FGF2: variants seen among roughly 807,000 people sequenced by gnomAD.
FGF2 encodes the protein fibroblast growth factor 2.
A neutral mutation model predicts 15.9 loss-of-function variants in FGF2; 13 were observed. The observed-to-expected ratio is 0.82, with a 90% CI of 0.53 to 1.30. FGF2 has a LOEUF of 1.30. Among genes scored for constraint, FGF2 ranks in the 50% most tolerant of loss-of-function variants. The probability of loss-of-function intolerance (pLI) is 0.00; values close to 1 mark genes in which losing one functional copy is unlikely to be tolerated. For missense variants in FGF2, 163 were observed against 196.9 expected (o/e 0.83, Z 1.03); for synonymous variants, 90 against 78.4 (o/e 1.15, Z -0.78).
chr4:122,887,910 G>C (rs912063248), intron 2 of FGF2, among the ~76,000 whole-genome samples: 11 of 151,736 alleles, frequency 7.2e-5, no homozygotes, highest in Non-Finnish European at 1.5e-4. Context: ...ACACTTCCTG[G>C]TATTCCAAAT....
chr4:122,891,630 A>AT (rs1369916925), intron 2 of FGF2, among the ~76,000 whole-genome samples: 1 of 152,204 alleles, frequency 6.6e-6, no homozygotes, highest in Non-Finnish European at 1.5e-5. Flanking sequence ...ACAATAAACT[A>AT]TTCATTATTA....
At chr4:122,847,612 TC>T (rs1726139705) in intron 1 of FGF2, among the ~76,000 whole-genome samples, 4 of 135,350 alleles carry the variant, frequency 3.0e-5, no homozygotes, top group African/African-American at 7.1e-5. Context: ...ACTCTATCTA[TC>T]TATCTATCTA....
chr4:122,854,854 G>A (rs988172641), intron 1 of FGF2, among the ~76,000 whole-genome samples: 6 of 152,150 alleles, frequency 3.9e-5, no homozygotes, highest in Non-Finnish European at 5.9e-5. Context: ...GCTTTGAAAG[G>A]TGTTTTCCTA....
intron 1 of FGF2, among the ~76,000 whole-genome samples, chr4:122,858,130 G>A (rs989037497): frequency 6.6e-6 from 1 of 152,022 alleles, no homozygotes; most frequent in Non-Finnish European, 1.5e-5. Flanking sequence ...GAACTATCTG[G>A]GTGTCTAATG....
At chr4:122,881,277 C>T (rs186910665) in intron 2 of FGF2, among the ~76,000 whole-genome samples, 167 of 152,288 alleles carry the variant, frequency 1.1e-3, no homozygotes, top group African/African-American at 3.9e-3. Context: ...CATCTGGCTC[C>T]CCATTACTTA....
intron 1 of FGF2, among the ~76,000 whole-genome samples, chr4:122,836,393 C>T (rs1306378678): frequency 3.3e-5 from 5 of 152,194 alleles, no homozygotes; most frequent in Admixed American, 3.3e-4. Flanking sequence ...TATCCCATTT[C>T]CAGTCATGCT....
chr4:122,843,001 T>C (rs375696105), intron 1 of FGF2, among the ~76,000 whole-genome samples: 2 of 152,302 alleles, frequency 1.3e-5, no homozygotes, highest in African/African-American at 4.8e-5. Flanking sequence ...ACCACTATAT[T>C]ATACAGAGCA....
intron 1 of FGF2, among the ~76,000 whole-genome samples, chr4:122,874,223 GC>G (rs1474120196): frequency 1.3e-5 from 2 of 152,092 alleles, no homozygotes; most frequent in African/African-American, 4.8e-5. Context: ...GCAATAATTT[GC>G]TTATACTCAT....
intron 1 of FGF2, among the ~76,000 whole-genome samples, chr4:122,838,505 T>C (rs1725911118): frequency 1.3e-5 from 2 of 152,240 alleles, no homozygotes; most frequent in Admixed American, 6.5e-5. Context: ...CCTATTGGCT[T>C]TTCAAAACAT....
At chr4:122,882,375 A>G (rs1018705443) in intron 2 of FGF2, 2 of 152,250 alleles carry the variant, frequency 1.3e-5, no homozygotes, top group Non-Finnish European at 2.9e-5. Flanking sequence ...AGACAAGTTA[A>G]AAGAATGTAG....
intron 1 of FGF2, among the ~76,000 whole-genome samples, chr4:122,836,881 G>T (rs1457121538): frequency 6.6e-6 from 1 of 152,190 alleles, no homozygotes; most frequent in African/African-American, 2.4e-5. Flanking sequence ...AAACTTTTCA[G>T]CTGTTAAGTA....
At chr4:122,852,641 A>G (rs992961963) in intron 1 of FGF2, among the ~76,000 whole-genome samples, 2 of 152,200 alleles carry the variant, frequency 1.3e-5, no homozygotes, top group Non-Finnish European at 2.9e-5. Context: ...TCCTCATTTT[A>G]CCAACTTTCC....
chr4:122,862,061 G>A (rs184278), intron 1 of FGF2, among the ~76,000 whole-genome samples: 4,040 of 152,110 alleles, frequency 0.027, 120 homozygotes, highest in South Asian at 0.13. Context: ...AGTCCTCATC[G>A]CCTCAACCAT....
At chr4:122,874,651 A>G (rs907881499) in intron 1 of FGF2, among the ~76,000 whole-genome samples, 2 of 152,140 alleles carry the variant, frequency 1.3e-5, no homozygotes, top group African/African-American at 4.8e-5. Context: ...TATTTAAAAT[A>G]ATATATTAGC....
At chr4:122,836,732 A>G (rs1038105013) in intron 1 of FGF2, among the ~76,000 whole-genome samples, 1 of 152,232 alleles carries the variant, frequency 6.6e-6, no homozygotes, top group Non-Finnish European at 1.5e-5. Flanking sequence ...ATAAGTATAA[A>G]TACTATAGTA....
At chr4:122,841,185 C>G (rs1006936925) in intron 1 of FGF2, among the ~76,000 whole-genome samples, 2 of 152,232 alleles carry the variant, frequency 1.3e-5, no homozygotes, top group African/African-American at 4.8e-5. Flanking sequence ...TTAGGCCAGG[C>G]TCCAACAGCT....
chr4:122,870,462 C>CT (rs1270218909), intron 1 of FGF2, among the ~76,000 whole-genome samples: 4 of 152,048 alleles, frequency 2.6e-5, no homozygotes, highest in African/African-American at 4.8e-5. Flanking sequence ...TGGTCCTGGG[C>CT]TTTTTTTGGT....
chr4:122,876,242 G>C (rs1726843097), intron 1 of FGF2, 79 bp from the exon 2 acceptor site: 1 of 886,824 alleles, frequency 1.1e-6, no homozygotes. Flanking sequence ...GGTGTGTTTT[G>C]TCTTTATATT....
In FGF2 at chr4:122,893,279, T is replaced by C; in HGVS notation, c.*883T>C. 6.7e-7 allele frequency: 1 copy of C among 1,488,872 alleles called. No homozygotes were observed. Among genetic ancestry groups the C allele is most frequent in the Non-Finnish European group, 9.0e-7 (1 of 1,111,664 alleles). 92.2% of individuals were successfully genotyped at this position (1,488,872 alleles called of 1,614,324 possible). On this transcript the variant is annotated 3_prime_UTR_variant, in exon 3 of 3. Coordinates refer to ENST00000644866, the MANE Select transcript of FGF2 (RefSeq NM_001361665.2). ...ATAATAATTACACTTTTAGAAACTGTATCATCAAAGATTTTCAGTTAAAGT... is the reference window on the plus strand; with the variant it reads ...ATAATAATTACACTTTTAGAAACTGCATCATCAAAGATTTTCAGTTAAAGT...
Sources: allele counts gnomAD v4.1 joint callset (sites outside exome capture counted in the v4.1 genomes callset), GRCh38; gene constraint gnomAD v4.1.1; transcripts MANE v1.5; gene names NCBI Gene and HGNC (gene_info 2026-07-23, HGNC 2026-07-21).